The following USH2A variants were observed in gnomAD, a reference collection of about 807,000 sequenced individuals.
USH2A encodes the protein Usher syndrome 2A (autosomal recessive, mild).
In USH2A, 443 loss-of-function variants were observed where a neutral mutation model predicts 538.9. That is an observed-to-expected ratio of 0.82 (90% confidence interval 0.76 to 0.89). USH2A has a LOEUF of 0.89. USH2A is among the 40% of genes least tolerant of loss of function. USH2A has a pLI of 0.00. For synonymous variants in USH2A, 2,413 were observed against 2,273.5 expected (o/e 1.06, Z -1.75); for missense variants, 6,633 against 6,324.8 (o/e 1.05, Z -1.65).
At chr1:216,367,839 G>A (rs931830345) in intron 3 of USH2A, among the ~76,000 whole-genome samples, 17 of 152,270 alleles carry the variant, frequency 1.1e-4, no homozygotes, top group South Asian at 4.1e-4. Flanking sequence ...AGCTCATTCC[G>A]ATGGTCCCCT....
chr1:216,051,457 A>T (rs1355793153), intron 30 of USH2A, among the ~76,000 whole-genome samples: 2 of 152,256 alleles, frequency 1.3e-5, no homozygotes, highest in Admixed American at 6.5e-5. Context: ...GGCATTTGCC[A>T]TGTCTTTCCT....
intron 9 of USH2A, among the ~76,000 whole-genome samples, chr1:216,297,334 A>G (rs2037127770): frequency 1.3e-5 from 2 of 152,214 alleles, no homozygotes; most frequent in Middle Eastern, 3.4e-3. Context: ...TAACATTAAC[A>G]ATGACAATGG....
At chr1:215,685,650 G>A (rs1050935898) in intron 61 of USH2A, among the ~76,000 whole-genome samples, 6 of 152,030 alleles carry the variant, frequency 3.9e-5, no homozygotes, top group African/African-American at 1.4e-4. Context: ...GAGCCACAGA[G>A]CCTGGCCATC....
intron 11 of USH2A, among the ~76,000 whole-genome samples, chr1:216,283,148 A>G (rs6701944): frequency 0.67 from 102,083 of 151,922 alleles, 36,180 homozygotes; most frequent in Non-Finnish European, 0.77. Flanking sequence ...GTGCAGTGGC[A>G]TGATCTCAGC....
chr1:216,072,516 C>T (rs564579578), intron 29 of USH2A: 1 of 302,906 alleles, frequency 3.3e-6, no homozygotes, highest in Non-Finnish European at 6.4e-6. Flanking sequence ...GGTGCCACTC[C>T]CAGCCAAGGA....
intron 44 of USH2A, among the ~76,000 whole-genome samples, chr1:215,856,833 G>C (rs1664182226): frequency 9.6e-5 from 1 of 10,416 alleles, no homozygotes; most frequent in African/African-American, 1.3e-3. Flanking sequence ...AAAAAATTTG[G>C]TGTGTGTGTG....
rs374874836 is a variant in USH2A, at chr1:216,402,729, G to T, written c.651+15785C>A. 9.2e-5 allele frequency among the ~76,000 whole-genome samples: 14 copies of T among 152,162 alleles called. 1 individual carries two copies. Among genetic ancestry groups the T allele is most frequent in the Admixed American group, 3.9e-4 (6 of 15,288 alleles). Reference sequence around the variant, plus strand: ...TGGTAAGGCTTCCATTCAACAGTAGGCTATTAGTAGTTACATTTTGGGGTG... The same window carrying T: ...TGGTAAGGCTTCCATTCAACAGTAGTCTATTAGTAGTTACATTTTGGGGTG... On this transcript the variant is annotated intron_variant, in intron 3 of 71. Coordinates refer to ENST00000307340, the MANE Select transcript of USH2A (RefSeq NM_206933.4).
chr1:215,773,795 T>C (rs1026928943), intron 55 of USH2A, among the ~76,000 whole-genome samples: 2 of 152,170 alleles, frequency 1.3e-5, no homozygotes, highest in Admixed American at 1.3e-4. Flanking sequence ...CCCCTGGTGA[T>C]CTTGACTGTG....
chr1:216,314,145 T>C (rs1021555448), intron 9 of USH2A, among the ~76,000 whole-genome samples: 21 of 152,210 alleles, frequency 1.4e-4, no homozygotes, highest in African/African-American at 5.1e-4. Context: ...TCTTTTACTA[T>C]GTTTATACTT....
Position 215,867,054 on chromosome 1 carries a change from G to C in USH2A, c.8798C>G (p.Ala2933Gly), listed in dbSNP as rs780358747. ...GATGGCTGTGTGGTTAAGGACACTCGCAGTGAGATTGGCTCCTCTCTCTGG... is the reference window on the plus strand; with the variant it reads ...GATGGCTGTGTGGTTAAGGACACTCCCAGTGAGATTGGCTCCTCTCTCTGG... Reference protein sequence around the residue: ...GLPERGANLTASVLNHTAIDV... With the variant: ...GLPERGANLTGSVLNHTAIDV... Residue 2933 changes from alanine (A) to glycine (G), a missense_variant, in exon 44 of 72, where the codon GCG becomes GGG. Ala to Gly is a moderately conservative substitution (Grantham distance 60). Coordinates refer to ENST00000307340, the MANE Select transcript of USH2A (RefSeq NM_206933.4). 6.2e-7 allele frequency: 1 copy of C among 1,614,024 alleles called. No homozygotes were observed. Among genetic ancestry groups the C allele is most frequent in the African/African-American group, 1.3e-5 (1 of 74,908 alleles).
At chr1:215,705,765 T>C (rs59025731) in intron 61 of USH2A, among the ~76,000 whole-genome samples, 2,532 of 152,286 alleles carry the variant, frequency 0.017, 95 homozygotes, top group East Asian at 0.1. Context: ...CGACCAGCAA[T>C]GACACAAAGC....
intron 35 of USH2A, among the ~76,000 whole-genome samples, chr1:215,990,388 A>G (rs1667973806): frequency 6.6e-6 from 1 of 152,212 alleles, no homozygotes; most frequent in South Asian, 2.1e-4. Context: ...TTTGGAGTAT[A>G]TATGCCACTG....
chr1:215,999,904 G>C (rs766901973), intron 33 of USH2A, among the ~76,000 whole-genome samples: 4 of 152,064 alleles, frequency 2.6e-5, no homozygotes, highest in Non-Finnish European at 5.9e-5. Flanking sequence ...TGATAAGAGA[G>C]ACCTATTAGA....
rs143843750 is a variant in USH2A at position 215,741,001 on chromosome 1, G to A, written c.11711+374C>T. Among the ~76,000 whole-genome samples, 1,197 of 152,210 alleles carry A rather than the reference G, an allele frequency of 7.9e-3. 21 individuals carry two copies. Among genetic ancestry groups the A allele is most frequent in the African/African-American group, 0.027 (1,128 of 41,538 alleles). Reference sequence around the variant, plus strand: ...CAGCCACTCACCTGCTGTGTGGCCCGGTTCCTAACAGGCCGCGGACTCTGT... The same window carrying A: ...CAGCCACTCACCTGCTGTGTGGCCCAGTTCCTAACAGGCCGCGGACTCTGT... On this transcript the variant is annotated intron_variant, in intron 60 of 71. Coordinates refer to ENST00000307340, the MANE Select transcript of USH2A (RefSeq NM_206933.4).
At chr1:215,639,273 C>A in intron 68 of USH2A, 35 bp from the exon 69 acceptor site, 1 of 1,599,130 alleles carries the variant, frequency 6.3e-7, no homozygotes, top group South Asian at 1.1e-5. Context: ...ATGACTTGTT[C>A]ATTCAACACC....
At chr1:215,739,416 G>A (rs1362723223) in intron 60 of USH2A, among the ~76,000 whole-genome samples, 1 of 152,144 alleles carries the variant, frequency 6.6e-6, no homozygotes, top group Non-Finnish European at 1.5e-5. Context: ...CATGGAATAG[G>A]CACTGTAATC....
At chr1:216,048,137 C>T (rs182783505) in intron 31 of USH2A, among the ~76,000 whole-genome samples, 5 of 152,246 alleles carry the variant, frequency 3.3e-5, no homozygotes, top group African/African-American at 7.2e-5. Flanking sequence ...GGAAATCAAC[C>T]GTTTGATTCT....
At chr1:216,111,695 A>G (rs1036047391) in intron 21 of USH2A, among the ~76,000 whole-genome samples, 4 of 151,166 alleles carry the variant, frequency 2.6e-5, no homozygotes, top group African/African-American at 9.7e-5. Flanking sequence ...CTCAAAATAT[A>G]CTTTTTTCAG....
At chr1:215,721,094 A>G (rs2820707) in intron 61 of USH2A, among the ~76,000 whole-genome samples, 26,327 of 151,792 alleles carry the variant, frequency 0.17, 2,418 homozygotes, top group Non-Finnish European at 0.19. Context: ...TTGTTTTTTG[A>G]GACAGGTTCT....
Sources: gnomAD v4.1 joint callset for allele counts (sites outside exome capture counted in the v4.1 genomes callset) on GRCh38, gnomAD v4.1.1 for gene constraint, MANE v1.5 for transcripts, NCBI Gene and HGNC (gene_info 2026-07-23, HGNC 2026-07-21) for gene names.